Variants in LRRIQ3 observed in about 807,000 individuals in gnomAD.
LRRIQ3 encodes leucine rich repeats and IQ motif containing 3.
A neutral mutation model predicts 59.3 loss-of-function variants in LRRIQ3; 75 were observed. The observed-to-expected ratio is 1.26, with a 90% confidence interval of 1.05 to 1.53. LRRIQ3 has a LOEUF of 1.53. Ranked by LOEUF, LRRIQ3 falls within the 40% of genes most tolerant of loss-of-function variation. The pLI is 0.00. For synonymous variants in LRRIQ3, 250 were observed against 231.3 expected (o/e 1.08, Z -0.73); for missense variants, 831 against 710.0 (o/e 1.17, Z -1.94).
In LRRIQ3 at chr1:74,106,570, C is replaced by T. The variant is rs549934119; in HGVS notation, c.867+2824G>A. On this transcript the variant is annotated intron_variant, in intron 5 of 7. Coordinates refer to ENST00000354431, the MANE Select transcript of LRRIQ3 (RefSeq NM_001105659.2). ...CAAAGTATAGGTAATAAAGGAATTA[C>T]CACACAGTCCAGCCTAGGTTACTTA... Among the ~76,000 whole-genome samples the T allele has an allele frequency of 5.3e-5, 8 of 152,010 alleles. No homozygotes were observed. In the East Asian group the frequency reaches 1.4e-3, roughly 26 times the overall value.
At chr1:74,193,710 AT>A (rs983105778) in intron 1 of LRRIQ3, among the ~76,000 whole-genome samples, 2 of 152,098 alleles carry the variant, frequency 1.3e-5, no homozygotes, top group African/African-American at 4.8e-5. Context: ...GATCATCATT[AT>A]TTTAAGTAAT....
intron 3 of LRRIQ3, chr1:74,179,936 C>T (rs964151855): frequency 2.6e-5 from 4 of 151,768 alleles, no homozygotes; most frequent in African/African-American, 9.7e-5. Flanking sequence ...CTCATTTATC[C>T]TCAGTTTATA....
chr1:74,152,792 T>C (rs1331263131), intron 4 of LRRIQ3, among the ~76,000 whole-genome samples: 1 of 152,138 alleles, frequency 6.6e-6, no homozygotes, highest in Non-Finnish European at 1.5e-5. Context: ...AGGGGTGTTG[T>C]TAGAAAAGTA....
chr1:74,078,121 A>G (rs1197406123), intron 5 of LRRIQ3, among the ~76,000 whole-genome samples: 1 of 151,910 alleles, frequency 6.6e-6, no homozygotes, highest in Non-Finnish European at 1.5e-5. Flanking sequence ...AGGTTCAAAT[A>G]TCCTTCGCAT....
chr1:74,191,078 A>T (rs1204490477), intron 1 of LRRIQ3, among the ~76,000 whole-genome samples: 2 of 152,130 alleles, frequency 1.3e-5, no homozygotes, highest in Non-Finnish European at 2.9e-5. Context: ...GTGTGTCTTT[A>T]TCAGCAGCAT....
In LRRIQ3 at chr1:74,026,932, A is replaced by T. The variant is rs569814619; in HGVS notation, c.1756T>A (p.Phe586Ile). 35 of 1,585,998 alleles carry T rather than the reference A, an allele frequency of 2.2e-5. No homozygotes were observed. In the South Asian group the frequency reaches 3.8e-4, roughly 17 times the overall value. Residue 586 changes from phenylalanine to isoleucine, a missense_variant, in exon 8 of 8, where the codon TTT becomes ATT. Physicochemically the swap from Phe to Ile is conservative, Grantham distance 21 (BLOSUM62 0). Transcript: ENST00000354431. ...TCAAAGGCAATCATATCCATAACAA[A>T]TTTTTCTTCACAATGTCTTTTATAT... Reference protein sequence around the residue: ...EIYKRHCEEKFVMDMIAFEKA... With the variant: ...EIYKRHCEEKIVMDMIAFEKA...
At chr1:74,058,498 A>C (rs553479073) in intron 6 of LRRIQ3, among the ~76,000 whole-genome samples, 20 of 152,250 alleles carry the variant, frequency 1.3e-4, no homozygotes, top group Admixed American at 9.2e-4. Flanking sequence ...GTTATCTTGC[A>C]TATATGGAAG....
chr1:74,171,653 TATAAC>T (rs1437347944), intron 3 of LRRIQ3, among the ~76,000 whole-genome samples: 1 of 152,302 alleles, frequency 6.6e-6, no homozygotes, highest in Non-Finnish European at 1.5e-5. Flanking sequence ...ATGCTGGACT[TATAAC>T]ATGAGTTTAG....
chr1:74,063,722 GA>G (rs1238398946), intron 6 of LRRIQ3, among the ~76,000 whole-genome samples: 3 of 151,824 alleles, frequency 2.0e-5, no homozygotes, highest in Admixed American at 1.3e-4. Context: ...GTTCTCTGAT[GA>G]TTGCTGTTTG....
chr1:74,155,526 GAA>G (rs1648265127), intron 4 of LRRIQ3: 1 of 334,662 alleles, frequency 3.0e-6, no homozygotes, highest in East Asian at 5.8e-5. Flanking sequence ...AAGTTGAAAA[GAA>G]AAAATAAAAT....
chr1:74,118,781 C>A (rs1646812543), intron 4 of LRRIQ3, among the ~76,000 whole-genome samples: 1 of 152,086 alleles, frequency 6.6e-6, no homozygotes, highest in Non-Finnish European at 1.5e-5. Flanking sequence ...ATCTGTAGGG[C>A]AGGCCTGCAG....
intron 5 of LRRIQ3, among the ~76,000 whole-genome samples, chr1:74,099,893 A>C (rs1191805316): frequency 1.3e-5 from 2 of 152,038 alleles, no homozygotes; most frequent in African/African-American, 2.4e-5. Flanking sequence ...ATTAGGTATT[A>C]ATGGGATGTA....
intron 6 of LRRIQ3, among the ~76,000 whole-genome samples, chr1:74,059,105 A>AAATAT: frequency 2.4e-5 from 1 of 41,946 alleles, no homozygotes; most frequent in East Asian, 2.7e-3. Context: ...AGTCCATAGC[A>AAATAT]GATATGTTAT....
At chr1:74,094,160 C>T (rs1175214530) in intron 5 of LRRIQ3, among the ~76,000 whole-genome samples, 2 of 151,968 alleles carry the variant, frequency 1.3e-5, no homozygotes, top group Non-Finnish European at 2.9e-5. Flanking sequence ...GTCAGGACCC[C>T]ATCCTTATGA....
intron 5 of LRRIQ3, among the ~76,000 whole-genome samples, chr1:74,098,480 C>A (rs1247435599): frequency 5.3e-5 from 8 of 152,102 alleles, no homozygotes; most frequent in Admixed American, 5.2e-4. Flanking sequence ...CCACTGTCAA[C>A]ATTAGGCAGA....
intron 6 of LRRIQ3, among the ~76,000 whole-genome samples, chr1:74,045,638 C>T (rs573700579): frequency 5.7e-4 from 87 of 151,874 alleles, no homozygotes; most frequent in Non-Finnish European, 1.0e-3. Flanking sequence ...AAGAAATAAA[C>T]GGTATTCAAG....
chr1:74,092,604 C>T (rs1340636897), intron 5 of LRRIQ3, among the ~76,000 whole-genome samples: 1 of 151,818 alleles, frequency 6.6e-6, no homozygotes, highest in Non-Finnish European at 1.5e-5. Context: ...TTGAGTGTGT[C>T]TTAGATGTTA....
intron 1 of LRRIQ3, among the ~76,000 whole-genome samples, chr1:74,193,480 G>A (rs796580201): frequency 1.6e-4 from 24 of 152,022 alleles, no homozygotes; most frequent in African/African-American, 5.5e-4. Flanking sequence ...AACTTTGATG[G>A]CAAACACATT....
intron 3 of LRRIQ3, among the ~76,000 whole-genome samples, chr1:74,164,715 A>G (rs1055884623): frequency 6.6e-6 from 1 of 151,528 alleles, no homozygotes; most frequent in African/African-American, 2.4e-5. Flanking sequence ...TATGCTTTTG[A>G]TGTCAGGTCT....
Sources: allele counts gnomAD v4.1 joint callset (sites outside exome capture counted in the v4.1 genomes callset), GRCh38; gene constraint gnomAD v4.1.1; transcripts MANE v1.5; gene names NCBI Gene and HGNC (gene_info 2026-07-23, HGNC 2026-07-21).